SLC9A3: variants seen among roughly 807,000 people sequenced by gnomAD.
The protein encoded by SLC9A3 is solute carrier family 9 member A3.
In SLC9A3, 37 loss-of-function variants were observed where a neutral mutation model predicts 86.8. The ratio of observed to expected loss-of-function variants is 0.43; its 90% CI spans 0.33 to 0.56. The LOEUF is 0.56. Among genes scored for constraint, SLC9A3 ranks in the 20% least tolerant of loss-of-function variants. The pLI is 0.06. For missense variants in SLC9A3, 1,011 were observed against 1,171.9 expected (o/e 0.86, Z 2.00); for synonymous variants, 581 against 528.3 (o/e 1.10, Z -1.37).
Position 477,326 on chromosome 5 carries a change from A to G in SLC9A3, c.1760+6T>C. 1 of 1,582,584 alleles carries G rather than the reference A, an allele frequency of 6.3e-7. No individual in the cohort carries two copies. Among genetic ancestry groups the G allele is most frequent in the Non-Finnish European group, 8.6e-7 (1 of 1,156,278 alleles). On this transcript the variant is annotated splice_donor_region_variant and intron_variant, in intron 11 of 16. Transcript: ENST00000264938. ...CCAGGGAAGCTGCATGACCATGGCC[A>G]CATACAGGAGGTAGGAGACAGAGGC...
At chr5:475,284 C>T in intron 15 of SLC9A3, 152 bp from the exon 16 acceptor site, 1 of 759,102 alleles carries the variant, frequency 1.3e-6, no homozygotes, top group Admixed American at 2.8e-5. Flanking sequence ...GGCCCTTCCC[C>T]CACATCCATG....
At chr5:489,802 G>A (rs1210200617) in intron 2 of SLC9A3, among the ~76,000 whole-genome samples, 2 of 152,140 alleles carry the variant, frequency 1.3e-5, no homozygotes, top group Non-Finnish European at 2.9e-5. Context: ...GGTCGGCCGC[G>A]TTCAGACTCC....
intron 5 of SLC9A3, 32 bp downstream of exon 5, chr5:484,488 T>C: frequency 1.9e-6 from 3 of 1,606,224 alleles, no homozygotes; most frequent in Admixed American, 1.7e-5. Flanking sequence ...GAGGAGGGCG[T>C]GGAGAAGCTC....
chr5:471,474 C>T lies in SLC9A3; in HGVS notation c.*1905G>A, dbSNP rs1211669146. 1.5e-5 allele frequency: 5 copies of T among 336,330 alleles called. No homozygotes were observed. The highest frequency in any genetic ancestry group is 1.1e-4 in the African/African-American group (5 of 46,474). The allele number at this position is 336,330 out of a possible 1,614,324, so 20.8% of individuals were successfully genotyped here. On this transcript the variant is annotated 3_prime_UTR_variant, in exon 17 of 17. Coordinates refer to ENST00000264938, the MANE Select transcript of SLC9A3 (RefSeq NM_004174.4). ...TGCTCCTCTGGCCACCCGGAAACCT[C>T]CCAGCAGTTCAGATGGGACAAACTG...
intron 1 of SLC9A3, among the ~76,000 whole-genome samples, chr5:501,486 C>T (rs1740275757): frequency 6.6e-6 from 1 of 152,228 alleles, no homozygotes; most frequent in Non-Finnish European, 1.5e-5. Context: ...GGTACCCACC[C>T]TCCCGGGGGA....
In SLC9A3 at chr5:524,209, C is replaced by G. The variant is rs1215714557; in HGVS notation, c.114G>C (p.Glu38Asp). 6.5e-7 allele frequency: 1 copy of G among 1,528,072 alleles called. No individual in the cohort carries two copies. Among genetic ancestry groups the G allele is most frequent in the East Asian group, 2.8e-5 (1 of 36,266 alleles). 94.7% of individuals were successfully genotyped at this position (1,528,072 alleles called of 1,614,324 possible). Residue 38 changes from glutamate to aspartate, a missense_variant, in exon 1 of 17, where the codon GAG becomes GAC. Transcript: ENST00000264938. ...VEVEPGGAHGESGGFQVVTFE... is the reference protein window; with the variant it reads ...VEVEPGGAHGDSGGFQVVTFE... Reference sequence around the variant, plus strand: ...AGGTGACCACCTGGAAGCCCCCGCTCTCGCCGTGCGCGCCGCCGGGCTCCA... The same window carrying G: ...AGGTGACCACCTGGAAGCCCCCGCTGTCGCCGTGCGCGCCGCCGGGCTCCA...
At chr5:500,948 C>G (rs1740252668) in intron 1 of SLC9A3, among the ~76,000 whole-genome samples, 1 of 105,998 alleles carries the variant, frequency 9.4e-6, no homozygotes. Flanking sequence ...AGGGCCAGGC[C>G]CTGAGTCCGC....
intron 14 of SLC9A3, 118 bp downstream of exon 14, chr5:475,902 G>A (rs1738696232): frequency 3.3e-6 from 3 of 917,776 alleles, no homozygotes; most frequent in Non-Finnish European, 1.6e-6. Context: ...CCCTGCCTGG[G>A]TGGCTGGAGG....
In SLC9A3 at chr5:497,661, C is replaced by T. The variant is rs1335754733; in HGVS notation, c.212-5590G>A. 6.6e-6 allele frequency among the ~76,000 whole-genome samples: 1 copy of T among 152,192 alleles called. No homozygotes were observed. Among genetic ancestry groups the T allele is most frequent in the Admixed American group, 6.5e-5 (1 of 15,286 alleles). ...TGAAGCTTCCAGATCCCCTGCAGCC[C>T]CCCTGAGCCGCTGACCCTGACCCCT... On this transcript the variant is annotated intron_variant, in intron 1 of 16. Coordinates refer to ENST00000264938, the MANE Select transcript of SLC9A3 (RefSeq NM_004174.4). The surrounding 1 kb of genome is among the most constrained non-coding windows in gnomAD (Gnocchi z 5.4).
In SLC9A3 at chr5:475,649, C is replaced by T. The variant is rs1579762302; in HGVS notation, c.2163G>A (p.Glu721=). 1 of 1,551,204 alleles carries T rather than the reference C, an allele frequency of 6.4e-7. No individual in the cohort carries two copies. The highest frequency in any genetic ancestry group is 8.7e-7 in the Non-Finnish European group (1 of 1,146,314). The change falls in exon 15 of 17, where the codon GAG becomes GAA. Residue 721 remains glutamate, a synonymous_variant. Transcript: ENST00000264938. The part of the protein sequence containing the change: ...KEKDLELSDT[E]EPPNYDEEMS... ...TCTCCTCATCATAGTTGGGGGGCTCCTCGGTGTCTGAAAGTTCCAAGTCTG... is the reference window on the plus strand; with the variant it reads ...TCTCCTCATCATAGTTGGGGGGCTCTTCGGTGTCTGAAAGTTCCAAGTCTG...
chr5:513,918 G>T (rs1160376813), intron 1 of SLC9A3, among the ~76,000 whole-genome samples: 3 of 152,234 alleles, frequency 2.0e-5, no homozygotes, highest in Admixed American at 6.5e-5. Context: ...CCCTCTGAAG[G>T]CAGGCGGGCC....
chr5:522,073 GTGGGATACCGCGATGAGCTCCCACAGC>G (rs1208037922), intron 1 of SLC9A3, among the ~76,000 whole-genome samples: 7 of 151,074 alleles, frequency 4.6e-5, no homozygotes, highest in African/African-American at 1.7e-4. Flanking sequence ...GTCTGCGCCT[GTGGGATACCGCGATGAGCTCCCACAGC>G]TGCACAGGGT....
chr5:480,242 G>A, intron 9 of SLC9A3: 2 of 378,382 alleles, frequency 5.3e-6, no homozygotes, highest in South Asian at 6.2e-5. Flanking sequence ...GGTCAGGCAA[G>A]GGGGCTTTGG....
Position 481,558 on chromosome 5 carries a change from CACTT to C in SLC9A3, c.1517+3_1517+6del. 1.2e-6 allele frequency: 2 copies of C among 1,612,358 alleles called. No homozygotes were observed. Among genetic ancestry groups the C allele is most frequent in the East Asian group, 2.2e-5 (1 of 44,874 alleles). ...GCGACACCGCCGGGGCCGTCCCAGC[CACTT>C]ACTTGTCTCTGAGATAATTGTGCCC... On this transcript the variant is annotated splice_donor_5th_base_variant and intron_variant, in intron 9 of 16. Coordinates refer to ENST00000264938, the MANE Select transcript of SLC9A3 (RefSeq NM_004174.4).
chr5:507,269 G>A (rs1278231796), intron 1 of SLC9A3, among the ~76,000 whole-genome samples: 6 of 124,704 alleles, frequency 4.8e-5, no homozygotes, highest in African/African-American at 1.2e-4. Flanking sequence ...CCGGGTTCAC[G>A]CCATTCTCCT....
intron 1 of SLC9A3, 82 bp downstream of exon 1, chr5:524,026 TGCGC>T: frequency 1.1e-6 from 1 of 904,820 alleles, no homozygotes. Context: ...TCCGACCTGA[TGCGC>T]GCGGCCACAA....
chr5:520,639 G>C (rs892718967), intron 1 of SLC9A3, among the ~76,000 whole-genome samples: 1 of 152,176 alleles, frequency 6.6e-6, no homozygotes, highest in Non-Finnish European at 1.5e-5. Flanking sequence ...CACGACGCTA[G>C]GTGGGGACCA....
intron 5 of SLC9A3, among the ~76,000 whole-genome samples, chr5:483,849 C>A (rs559109163): frequency 2.0e-5 from 3 of 152,388 alleles, no homozygotes; most frequent in African/African-American, 7.2e-5. Flanking sequence ...AATTCTTTGC[C>A]CCACACTGAA....
At chr5:512,585 G>T (rs902829859) in intron 1 of SLC9A3, among the ~76,000 whole-genome samples, 5 of 152,218 alleles carry the variant, frequency 3.3e-5, no homozygotes, top group Non-Finnish European at 7.3e-5. Context: ...AGGGGGAGTG[G>T]GGGGTGGAAC....
Sources: gnomAD v4.1 joint callset for allele counts (sites outside exome capture counted in the v4.1 genomes callset) on GRCh38, gnomAD v4.1.1 for gene constraint, Gnocchi (gnomAD v3.1) non-coding constraint, MANE v1.5 for transcripts, NCBI Gene and HGNC (gene_info 2026-07-23, HGNC 2026-07-21) for gene names.